CHD1L: variants seen among roughly 807,000 people sequenced by gnomAD.
CHD1L encodes chromodomain helicase DNA binding protein 1 like.
Under a neutral mutation model 115.9 loss-of-function variants are expected in CHD1L, and 118 were observed. The ratio of observed to expected loss-of-function variants is 1.02; its 90% CI spans 0.88 to 1.19. The LOEUF is 1.19. Among genes scored for constraint, CHD1L ranks in the 50% most tolerant of loss-of-function variants. The pLI is 0.00. For synonymous variants in CHD1L, 411 were observed against 387.1 expected, an observed-to-expected ratio of 1.06 and a Z score of -0.72; for missense variants, 1,179 against 1,065.3, an observed-to-expected ratio of 1.11 and a Z score of -1.49.
chr1:147,278,507 GC>G (rs1679518326), intron 14 of CHD1L, among the ~76,000 whole-genome samples: 1 of 137,214 alleles, frequency 7.3e-6, no homozygotes, highest in East Asian at 2.1e-4. Flanking sequence ...ACAGGCATGA[GC>G]CACTGCGCCT....
chr1:147,219,439 A>G, the CHD1L span, among the ~76,000 whole-genome samples: 1 of 152,140 alleles, frequency 6.6e-6, no homozygotes, highest in Non-Finnish European at 1.5e-5. Flanking sequence ...ACACCCATTC[A>G]TGATGAAAAC....
At chr1:147,183,523 G>C in the CHD1L span, among the ~76,000 whole-genome samples, 1 of 152,142 alleles carries the variant, frequency 6.6e-6, no homozygotes, top group African/African-American at 2.4e-5. Context: ...AAACAGGTGA[G>C]AGAACCAAAT....
At chr1:147,282,095 T>G (rs1681129858) in intron 15 of CHD1L, among the ~76,000 whole-genome samples, 1 of 152,206 alleles carries the variant, frequency 6.6e-6, no homozygotes, top group Non-Finnish European at 1.5e-5. Flanking sequence ...CCGTCTGGTA[T>G]TCCCTGGCTG....
intron 9 of CHD1L, among the ~76,000 whole-genome samples, chr1:147,268,174 T>A (rs1307280756): frequency 6.6e-6 from 1 of 152,150 alleles, no homozygotes; most frequent in Non-Finnish European, 1.5e-5. Context: ...CCTCAGTAAA[T>A]TTTCCCCTGG....
chr1:147,285,869 T>G (rs1176851553), intron 17 of CHD1L, among the ~76,000 whole-genome samples: 2 of 152,056 alleles, frequency 1.3e-5, no homozygotes, highest in Admixed American at 6.5e-5. Flanking sequence ...GCTAATTTTT[T>G]TTATTATTTG....
At chr1:147,285,271 A>C (rs1553964558) in intron 16 of CHD1L, 53 bp from the exon 17 acceptor site, 1 of 1,573,978 alleles carries the variant, frequency 6.4e-7, no homozygotes, top group Non-Finnish European at 8.6e-7. Context: ...GGGATAATGA[A>C]ATTCGGGGAG....
intron 19 of CHD1L, among the ~76,000 whole-genome samples, chr1:147,288,792 A>G (rs929330165): frequency 1.3e-5 from 2 of 152,210 alleles, no homozygotes; most frequent in African/African-American, 4.8e-5. Context: ...AACCTTGGGT[A>G]TAACACTCCC....
At chr1:147,200,184 A>C in the CHD1L span, among the ~76,000 whole-genome samples, 1 of 152,074 alleles carries the variant, frequency 6.6e-6, no homozygotes, top group Admixed American at 6.6e-5. Context: ...TTTTTTTCTT[A>C]ATGGTAAGCT....
the CHD1L span, chr1:147,208,734 C>A: frequency 1.2e-6 from 1 of 810,514 alleles, no homozygotes; most frequent in South Asian, 1.6e-5. Context: ...CCACCATGCC[C>A]AGCCACTGTG....
At chr1:147,187,084 T>C in the CHD1L span, 14 of 1,613,910 alleles carry the variant, frequency 8.7e-6, no homozygotes, top group Admixed American at 5.0e-5. Context: ...CTGTACACGA[T>C]AGTGGATTGG....
the CHD1L span, among the ~76,000 whole-genome samples, chr1:147,183,605 G>A: frequency 0.013 from 1,915 of 152,292 alleles, 43 homozygotes; most frequent in African/African-American, 0.044. Flanking sequence ...TGAGAGCACA[G>A]AGGAAGGTGA....
the CHD1L span, among the ~76,000 whole-genome samples, chr1:147,226,356 G>T: frequency 3.3e-5 from 5 of 152,224 alleles, no homozygotes; most frequent in African/African-American, 1.2e-4. Flanking sequence ...GTATAGTGAG[G>T]AATGTATTGT....
At chr1:147,214,218 G>A in the CHD1L span, among the ~76,000 whole-genome samples, 2 of 152,078 alleles carry the variant, frequency 1.3e-5, no homozygotes, top group Non-Finnish European at 2.9e-5. Flanking sequence ...TTGGGAGGCT[G>A]AGCCAGGTGA....
At chr1:147,259,570 C>G (rs1475823493) in intron 5 of CHD1L, 2 of 289,742 alleles carry the variant, frequency 6.9e-6, no homozygotes, top group Non-Finnish European at 1.3e-5. Context: ...ATAAATGTTT[C>G]CTTTTCCTTT....
the CHD1L span, chr1:147,178,431 T>A: frequency 6.2e-7 from 1 of 1,611,484 alleles, no homozygotes; most frequent in Non-Finnish European, 8.5e-7. Context: ...TGAATATGTT[T>A]AGAGATGGTG....
chr1:147,260,366 G>A (rs889761119), intron 6 of CHD1L: 2 of 152,278 alleles, frequency 1.3e-5, no homozygotes, highest in East Asian at 1.9e-4. Context: ...CCTATATAGA[G>A]TCAATTAAAT....
intron 19 of CHD1L, among the ~76,000 whole-genome samples, chr1:147,290,296 G>C (rs1264334800): frequency 6.6e-6 from 1 of 152,060 alleles, no homozygotes; most frequent in Admixed American, 6.5e-5. Context: ...TGTTGCCCAG[G>C]CTGGCCTCAA....
chr1:147,229,121 T>C, the CHD1L span, among the ~76,000 whole-genome samples: 1 of 152,200 alleles, frequency 6.6e-6, no homozygotes, highest in Non-Finnish European at 1.5e-5. Flanking sequence ...TAGGTTTTCT[T>C]CTAGGGTTTT....
intron 19 of CHD1L, among the ~76,000 whole-genome samples, chr1:147,289,111 G>T (rs1479989326): frequency 1.3e-5 from 2 of 152,150 alleles, no homozygotes; most frequent in Non-Finnish European, 2.9e-5. Flanking sequence ...AGGGTTTAAT[G>T]TGTGTTGAAA....
Sources: gnomAD v4.1 joint callset for allele counts (sites outside exome capture counted in the v4.1 genomes callset) on GRCh38, gnomAD v4.1.1 for gene constraint, MANE v1.5 for transcripts, NCBI Gene and HGNC (gene_info 2026-07-23, HGNC 2026-07-21) for gene names.